Variants in OSBPL10 observed in about 807,000 individuals in gnomAD.
OSBPL10 encodes the protein oxysterol binding protein like 10, also known as oxysterol-binding protein-related protein 10.
OSBPL10 carries 49 observed loss-of-function variants against 81.7 expected under a neutral mutation model. The ratio of observed to expected loss-of-function variants is 0.60; its 90% CI spans 0.48 to 0.76. OSBPL10 has a LOEUF of 0.76. Ranked by LOEUF, OSBPL10 falls within the 30% of genes least tolerant of loss-of-function variation. The pLI is 0.00. For missense variants in OSBPL10, 923 were observed against 987.8 expected (o/e 0.93, Z 0.88); for synonymous variants, 419 against 383.6 (o/e 1.09, Z -1.08).
At chr3:31,843,627 GC>G (rs1322334440) in intron 3 of OSBPL10, among the ~76,000 whole-genome samples, 2 of 152,070 alleles carry the variant, frequency 1.3e-5, no homozygotes, top group African/African-American at 4.8e-5. Context: ...ATCATTGTTG[GC>G]CCTCCTTCCT....
At chr3:32,052,259 A>G (rs1699675872) in intron 1 of OSBPL10, among the ~76,000 whole-genome samples, 1 of 151,502 alleles carries the variant, frequency 6.6e-6, no homozygotes, top group African/African-American at 2.4e-5. Context: ...AAAAAAAAAA[A>G]GCAAAATAAA....
chr3:32,015,336 G>T (rs1291688684), intron 2 of OSBPL10, among the ~76,000 whole-genome samples: 1 of 152,136 alleles, frequency 6.6e-6, no homozygotes, highest in East Asian at 1.9e-4. Flanking sequence ...ACAATAATAA[G>T]AAATGGGGAA....
chr3:31,870,201 G>A (rs1269148924), intron 3 of OSBPL10, among the ~76,000 whole-genome samples: 1 of 152,226 alleles, frequency 6.6e-6, no homozygotes, highest in East Asian at 1.9e-4. Context: ...GGCTTGGAGG[G>A]CCCCGCACTC....
rs10715360 is a variant in OSBPL10, at chr3:31,743,031, G to GT, written c.940+4878dup. ...AAGTCTTGACCGAAAAGCTAAATTA[G>GT]TTTTTTTTTTTTTTTTTTTTTTTTT... On this transcript the variant is annotated intron_variant, in intron 5 of 11. Transcript: ENST00000396556. Among the ~76,000 whole-genome samples, 290 of 57,490 alleles carry GT rather than the reference G, an allele frequency of 5.0e-3. 13 individuals are homozygous for GT. Among genetic ancestry groups the GT allele is most frequent in the African/African-American group, 0.017 (261 of 15,698 alleles). 37.7% of individuals were successfully genotyped at this position (57,490 alleles called of 152,430 possible). A position where few individuals can be genotyped will look rare whatever the true frequency, so the allele number is the denominator to read the frequency against.
intron 3 of OSBPL10, among the ~76,000 whole-genome samples, chr3:31,836,901 C>T (rs1466022116): frequency 6.6e-6 from 1 of 152,142 alleles, no homozygotes; most frequent in Non-Finnish European, 1.5e-5. Context: ...CTGCATTTCT[C>T]ATGCTTTGGA....
At chr3:31,681,203 G>A (rs998278265) in intron 8 of OSBPL10, among the ~76,000 whole-genome samples, 2 of 152,164 alleles carry the variant, frequency 1.3e-5, no homozygotes. Context: ...AGGAAGGTGT[G>A]ACGAGTGCAG....
intron 3 of OSBPL10, among the ~76,000 whole-genome samples, chr3:31,854,583 C>G (rs538523308): frequency 6.6e-6 from 1 of 152,084 alleles, no homozygotes; most frequent in Non-Finnish European, 1.5e-5. Context: ...ATATAACACA[C>G]ATACAATATA....
chr3:31,994,142 T>C (rs1699064319), intron 2 of OSBPL10, among the ~76,000 whole-genome samples: 1 of 152,264 alleles, frequency 6.6e-6, no homozygotes, highest in Non-Finnish European at 1.5e-5. Context: ...ACACACTATA[T>C]GATTTTCTTG....
intron 6 of OSBPL10, among the ~76,000 whole-genome samples, chr3:31,716,501 G>A (rs1368135090): frequency 6.6e-6 from 1 of 152,150 alleles, no homozygotes; most frequent in Non-Finnish European, 1.5e-5. Context: ...GAGAAGGTCT[G>A]CTCTAATGAT....
intron 1 of OSBPL10, among the ~76,000 whole-genome samples, chr3:31,961,033 C>A (rs1698144753): frequency 7.0e-6 from 1 of 143,132 alleles, no homozygotes; most frequent in Non-Finnish European, 1.5e-5. Flanking sequence ...AATGTTTAAC[C>A]AAGAAGCTAC....
rs1482876617 is a variant in OSBPL10, at chr3:31,834,157, G to A, written c.538-3926C>T. On this transcript the variant is annotated intron_variant, in intron 3 of 11. Transcript: ENST00000396556. ...AGGCTGTGTTTCCAAAAGGCAACCT[G>A]TCTACAATCTCCAGGTTTTGTTTCA... 2.0e-5 allele frequency among the ~76,000 whole-genome samples: 3 copies of A among 152,150 alleles called. No homozygotes were observed. In the East Asian group the frequency reaches 5.8e-4, roughly 29 times the overall value.
rs192761618 is a variant in OSBPL10, at chr3:31,876,160, A to T, written c.537+273T>A. 2.6e-5 allele frequency among the ~76,000 whole-genome samples: 4 copies of T among 152,256 alleles called. No individual in the cohort carries two copies. In the East Asian group the frequency reaches 5.8e-4, roughly 22 times the overall value. ...TCCACTAGAGCTTCTCAATAGACCA[A>T]TTAACAGCTGCCTAAATTGACAACA... On this transcript the variant is annotated intron_variant, in intron 3 of 11. Coordinates refer to ENST00000396556, the MANE Select transcript of OSBPL10 (RefSeq NM_017784.5).
intron 1 of OSBPL10, among the ~76,000 whole-genome samples, chr3:32,050,127 T>C (rs9881843): frequency 0.04 from 6,097 of 152,276 alleles, 343 homozygotes; most frequent in African/African-American, 0.12. Context: ...CTTGTAACCA[T>C]GGGCAGTACT....
intron 3 of OSBPL10, among the ~76,000 whole-genome samples, chr3:31,830,685 C>T (rs1468283791): frequency 1.3e-5 from 2 of 152,172 alleles, no homozygotes; most frequent in African/African-American, 4.8e-5. Flanking sequence ...GCTCTTATTC[C>T]ACTGCATCAA....
At chr3:31,932,214 G>A (rs1423678281) in intron 1 of OSBPL10, among the ~76,000 whole-genome samples, 1 of 152,114 alleles carries the variant, frequency 6.6e-6, no homozygotes, top group East Asian at 1.9e-4. Flanking sequence ...ATTTGCCAAT[G>A]ATAAGTTTAT....
At chr3:31,671,600 G>C (rs1700325007) in intron 8 of OSBPL10, among the ~76,000 whole-genome samples, 1 of 152,150 alleles carries the variant, frequency 6.6e-6, no homozygotes, top group Admixed American at 6.5e-5. Flanking sequence ...GAGAAATCAG[G>C]CTGTACAGCT....
chr3:31,904,640 C>CCT (rs1696350657), intron 1 of OSBPL10, among the ~76,000 whole-genome samples: 1 of 152,120 alleles, frequency 6.6e-6, no homozygotes, highest in African/African-American at 2.4e-5. Context: ...TCACTCAGAT[C>CCT]CTCCTAGGGT....
intron 6 of OSBPL10, among the ~76,000 whole-genome samples, chr3:31,720,844 T>C (rs1280005356): frequency 7.8e-6 from 1 of 128,758 alleles, no homozygotes; most frequent in African/African-American, 3.1e-5. Flanking sequence ...ATCACGCTAC[T>C]GCACTCCAGC....
chr3:31,914,886 G>T (rs1191077299), intron 1 of OSBPL10, among the ~76,000 whole-genome samples: 1 of 152,150 alleles, frequency 6.6e-6, no homozygotes, highest in Admixed American at 6.5e-5. Context: ...ACTGCTGAAG[G>T]TTCCATTGAA....
Sources: gnomAD v4.1 joint callset for allele counts (sites outside exome capture counted in the v4.1 genomes callset) on GRCh38, gnomAD v4.1.1 for gene constraint, MANE v1.5 for transcripts, NCBI Gene and HGNC (gene_info 2026-07-23, HGNC 2026-07-21) for gene names.